ZNF763: variants seen among roughly 807,000 people sequenced by gnomAD.
The protein encoded by ZNF763 is zinc finger protein 763.
Under a neutral mutation model 38.0 loss-of-function variants are expected in ZNF763, and 33 were observed. The observed-to-expected ratio is 0.87, with a 90% CI of 0.66 to 1.16. ZNF763 has a LOEUF of 1.16. ZNF763 is among the 50% of genes most tolerant of loss of function. The pLI, the probability that ZNF763 is intolerant of heterozygous loss-of-function variation, is 0.00. For synonymous variants in ZNF763, 155 were observed against 160.1 expected (o/e 0.97, Z 0.24); for missense variants, 423 against 469.1 (o/e 0.90, Z 0.91).
chr19:11,978,974 G>C lies in ZNF763; in HGVS notation c.1050G>C (p.Thr350=). The change falls in exon 4 of 4, where the codon ACG becomes ACC. Residue 350 remains threonine (T), a synonymous_variant. Transcript: ENST00000358987. The part of the protein sequence containing the change: ...YQCKECRKAF[T]YPSSLRRHER... Reference sequence around the variant, plus strand: ...GTAAGGAATGTAGAAAAGCATTCACGTATCCCAGTTCCCTTCGTAGACATG... The same window carrying C: ...GTAAGGAATGTAGAAAAGCATTCACCTATCCCAGTTCCCTTCGTAGACATG... 1 of 1,614,118 alleles carries C rather than the reference G, an allele frequency of 6.2e-7. No homozygotes were observed. The highest frequency in any genetic ancestry group is 8.5e-7 in the Non-Finnish European group (1 of 1,180,020).
rs560968128 is a variant in ZNF763 at position 11,975,541 on chromosome 19, G to A, written c.4-1497G>A. Among the ~76,000 whole-genome samples, 3 of 152,096 alleles carry A rather than the reference G, an allele frequency of 2.0e-5. No individual in the cohort carries two copies. The South Asian group carries it at 6.2e-4, about 32-fold the overall frequency. ...GCCTCCCGAGTAGCTGAGACTACAG[G>A]CGCCCGCCACCGCGTCCAGCCAATT... is the stretch of plus-strand genomic sequence containing the variant. On this transcript the variant is annotated intron_variant, in intron 1 of 3. Coordinates refer to ENST00000358987, the MANE Select transcript of ZNF763 (RefSeq NM_001367172.2).
At chr19:11,975,446 G>A (rs1195565895) in intron 1 of ZNF763, among the ~76,000 whole-genome samples, 1 of 145,582 alleles carries the variant, frequency 6.9e-6, no homozygotes, top group Non-Finnish European at 1.5e-5. Flanking sequence ...CGCCCAGGCT[G>A]GACTGCAGTG....
At chr19:11,968,755 C>A (rs185188182) in intron 1 of ZNF763, among the ~76,000 whole-genome samples, 20 of 152,080 alleles carry the variant, frequency 1.3e-4, no homozygotes, top group Admixed American at 1.3e-3. Context: ...CGGGATGGCT[C>A]ACACCTGTAA....
At chr19:11,967,878 G>A (rs145463037) in intron 1 of ZNF763, among the ~76,000 whole-genome samples, 16 of 152,268 alleles carry the variant, frequency 1.1e-4, no homozygotes, top group Non-Finnish European at 2.2e-4. Flanking sequence ...GGCTGACAGC[G>A]TCACAAAATT....
Position 11,979,530 on chromosome 19 carries a change from CA to C in ZNF763, c.*422del. ...CAAAGACATGAAAAAACTCACACTG[CA>C]GAGAAACCCTATGAATGCAAGCAAT... On this transcript the variant is annotated 3_prime_UTR_variant, in exon 4 of 4. Transcript: ENST00000358987. The C allele has an allele frequency of 6.2e-7, 1 of 1,600,218 alleles. No homozygotes were observed. Among genetic ancestry groups the C allele is most frequent in the Non-Finnish European group, 8.5e-7 (1 of 1,171,094 alleles).
rs779343172 is a variant in ZNF763, at chr19:11,978,817, C to T, written c.893C>T (p.Ser298Phe). The change falls in exon 4 of 4, where the codon TCC becomes TTC. Residue 298 changes from serine to phenylalanine, a missense_variant. By Grantham distance (155) the Ser-to-Phe change is radical. Transcript: ENST00000358987. ...GGCAAATCCTTCAGTTGGTGTCATT[C>T]CTTTCAAATACATGAAAGAACTCAC... The part of the protein sequence containing the change: ...QCGKSFSWCH[S>F]FQIHERTHTG... The T allele has an allele frequency of 6.2e-7, 1 of 1,614,042 alleles. No homozygotes were observed.
Position 11,979,918 on chromosome 19 carries a change from A to T in ZNF763, c.*809A>T. The stretch of plus-strand genomic sequence containing the variant: ...CTTATAAATGTAAGATATGTGGGAA[A>T]GGCTTTTATTCTGCCAAGTCATTTC... On this transcript the variant is annotated 3_prime_UTR_variant, in exon 4 of 4. Transcript: ENST00000358987. The T allele has an allele frequency of 7.3e-7, 1 of 1,372,872 alleles. No individual in the cohort carries two copies. The highest frequency in any genetic ancestry group is 1.0e-6 in the Non-Finnish European group (1 of 968,306). The allele number at this position is 1,372,872 out of a possible 1,614,324, so 85.0% of individuals were successfully genotyped here.
chr19:11,977,919 G>A (rs185703189), intron 3 of ZNF763, among the ~76,000 whole-genome samples, 197 bp from the exon 4 acceptor site: 3 of 151,246 alleles, frequency 2.0e-5, no homozygotes, highest in East Asian at 1.9e-4. Flanking sequence ...ATAGTATTAA[G>A]CCCCTTATGA....
intron 1 of ZNF763, among the ~76,000 whole-genome samples, chr19:11,971,674 C>T (rs866032678): frequency 1.3e-5 from 2 of 152,254 alleles, no homozygotes; most frequent in East Asian, 3.9e-4. Flanking sequence ...CCATTTATTG[C>T]ATTTTATATT....
intron 1 of ZNF763, among the ~76,000 whole-genome samples, chr19:11,969,817 CT>C (rs1256471370): frequency 1.3e-5 from 2 of 152,182 alleles, no homozygotes; most frequent in Admixed American, 1.3e-4. Context: ...GCCTCTCCTC[CT>C]TTTATCTTTC....
At chr19:11,977,190 C>G (rs1599320817) in intron 2 of ZNF763, 26 bp downstream of exon 2, 1 of 1,613,332 alleles carries the variant, frequency 6.2e-7, no homozygotes, top group Non-Finnish European at 8.5e-7. Flanking sequence ...TTCCTTCCCT[C>G]AGTCCATTAG....
chr19:11,965,338 G>A lies in ZNF763; in HGVS notation c.3+127G>A, dbSNP rs933005132. 5 of 1,350,160 alleles carry A rather than the reference G, an allele frequency of 3.7e-6. No individual in the cohort carries two copies. The African/African-American group carries it at 7.3e-5, about 20-fold the overall frequency. The allele number at this position is 1,350,160 out of a possible 1,614,324, so 83.6% of individuals were successfully genotyped here. A position where few individuals can be genotyped will look rare whatever the true frequency, so the allele number is the denominator to read the frequency against. On this transcript the variant is annotated intron_variant, in intron 1 of 3. Transcript: ENST00000358987. ...GGGTCTGGGACCGAGTCCTCCTGGA[G>A]CTGCTCGGCCCTCGGTCCCCTCGGC...
intron 2 of ZNF763, 36 bp from the exon 3 acceptor site, chr19:11,977,334 AT>A: frequency 6.2e-7 from 1 of 1,610,184 alleles, no homozygotes; most frequent in Non-Finnish European, 8.5e-7. Flanking sequence ...ACAGTTTTAT[AT>A]TGCTTCAGGA....
chr19:11,976,623 T>G (rs1195060557), intron 1 of ZNF763, among the ~76,000 whole-genome samples: 1 of 150,910 alleles, frequency 6.6e-6, no homozygotes, highest in African/African-American at 2.4e-5. Flanking sequence ...TTTCAGCACT[T>G]TGGGAGGCCG....
In ZNF763 at chr19:11,979,680, A is replaced by T; in HGVS notation, c.*571A>T. 2 of 1,602,884 alleles carry T rather than the reference A, an allele frequency of 1.2e-6. No individual in the cohort carries two copies. Among genetic ancestry groups the T allele is most frequent in the Non-Finnish European group, 1.7e-6 (2 of 1,171,992 alleles). ...AGATCTGCCTCAATCCTTCAAATGC[A>T]TGCTGGGACTCACCCTGAAGAGAAG... On this transcript the variant is annotated 3_prime_UTR_variant, in exon 4 of 4. Transcript: ENST00000358987.
chr19:11,979,959 C>T lies in ZNF763; in HGVS notation c.*850C>T. 5 of 1,249,184 alleles carry T rather than the reference C, an allele frequency of 4.0e-6. No individual in the cohort carries two copies. Among genetic ancestry groups the T allele is most frequent in the Non-Finnish European group, 5.8e-6 (5 of 861,670 alleles). 77.4% of individuals were successfully genotyped at this position (1,249,184 alleles called of 1,614,324 possible). The stretch of plus-strand genomic sequence containing the variant: ...AAGTCATTTCAAATACCTGAAAAAT[C>T]TTACACTGGAGAGAAACCCTATGAG... On this transcript the variant is annotated 3_prime_UTR_variant, in exon 4 of 4. Transcript: ENST00000358987.
chr19:11,975,027 A>G (rs1408590506), intron 1 of ZNF763, among the ~76,000 whole-genome samples: 2 of 151,924 alleles, frequency 1.3e-5, no homozygotes, highest in Non-Finnish European at 2.9e-5. Flanking sequence ...GATGAATTCT[A>G]TTGTGTTCTG....
chr19:11,978,367 A>C lies in ZNF763; in HGVS notation c.443A>C (p.Gln148Pro). ...GCACCAAAGCCATATAAGTGTCAAC[A>C]ACCTAAGAAAGCCTTCAGATATCAC... ...DYAPKPYKCQ[Q>P]PKKAFRYHPS... Residue 148 changes from glutamine to proline, a missense_variant, in exon 4 of 4, where the codon CAA becomes CCA. By Grantham distance (76) the Gln-to-Pro change is moderately conservative (BLOSUM62 -1). Coordinates refer to ENST00000358987, the MANE Select transcript of ZNF763 (RefSeq NM_001367172.2). 2 of 1,614,234 alleles carry C rather than the reference A, an allele frequency of 1.2e-6. No individual in the cohort carries two copies. The highest frequency in any genetic ancestry group is 1.7e-6 in the Non-Finnish European group (2 of 1,180,042).
At position 11,979,899 on chromosome 19, in the gene ZNF763, A is replaced by G. The variant is rs1973584581; in HGVS notation, c.*790A>G. On this transcript the variant is annotated 3_prime_UTR_variant, in exon 4 of 4. Transcript: ENST00000358987. The stretch of plus-strand genomic sequence containing the variant: ...ATGCACTCTGTAGAAAGACCTTATA[A>G]ATGTAAGATATGTGGGAAAGGCTTT... 7.1e-7 allele frequency: 1 copy of G among 1,406,876 alleles called. No homozygotes were observed. The highest frequency in any genetic ancestry group is 1.0e-6 in the Non-Finnish European group (1 of 998,930). 87.1% of individuals were successfully genotyped at this position (1,406,876 alleles called of 1,614,324 possible). A position where few individuals can be genotyped will look rare whatever the true frequency, so the allele number is the denominator to read the frequency against.
Sources: gnomAD v4.1 joint callset for allele counts (sites outside exome capture counted in the v4.1 genomes callset) on GRCh38, gnomAD v4.1.1 for gene constraint, MANE v1.5 for transcripts, NCBI Gene and HGNC (gene_info 2026-07-23, HGNC 2026-07-21) for gene names.